The following PDILT variants were observed in gnomAD, a reference collection of about 807,000 sequenced individuals.
The protein encoded by PDILT is protein disulfide isomerase like, testis expressed, also known as protein disulfide-isomerase-like protein of the testis.
In PDILT, 43 loss-of-function variants were observed where a neutral mutation model predicts 53.7. The observed-to-expected ratio is 0.80, with a 90% CI of 0.63 to 1.03. The LOEUF is 1.03. Among genes scored for constraint, PDILT ranks in the 50% least tolerant of loss-of-function variants. The probability of loss-of-function intolerance (pLI) is 0.00; values close to 1 mark genes in which losing one functional copy is unlikely to be tolerated. For synonymous variants in PDILT, 282 were observed against 274.2 expected (o/e 1.03, Z -0.28); for missense variants, 727 against 712.3 (o/e 1.02, Z -0.24).
rs578031849 is a variant in PDILT at position 20,384,875 on chromosome 16, T to G, written c.203-24A>C. On this transcript the variant is annotated intron_variant, in intron 2 of 11. Transcript: ENST00000302451. ...GTCTGAAAGAGTATGAAGACAAAAT[T>G]TGAGAGGCCTTTCCTCGCTCCCCAT... 4.4e-6 allele frequency: 7 copies of G among 1,606,816 alleles called. No homozygotes were observed. The African/African-American group carries it at 6.7e-5, about 15-fold the overall frequency.
At chr16:20,359,896 C>T (rs529368368) in intron 11 of PDILT, among the ~76,000 whole-genome samples, 4 of 152,260 alleles carry the variant, frequency 2.6e-5, no homozygotes, top group African/African-American at 9.6e-5. Flanking sequence ...AGATCTCTGT[C>T]CAGGACATTT....
chr16:20,403,435 A>G lies in PDILT; in HGVS notation c.-8+1061T>C, dbSNP rs534393924. 3.8e-3 allele frequency among the ~76,000 whole-genome samples: 584 copies of G among 152,070 alleles called. 6 individuals are homozygous for G. Among genetic ancestry groups the G allele is most frequent in the African/African-American group, 0.013 (549 of 41,494 alleles). On this transcript the variant is annotated intron_variant, in intron 1 of 11. Transcript: ENST00000302451. Reference sequence around the variant, plus strand: ...CTCCCTAGCAGCTGGGACTACAGGCACCCGCCACCATGCCCGGCTAATTTT... The same window carrying G: ...CTCCCTAGCAGCTGGGACTACAGGCGCCCGCCACCATGCCCGGCTAATTTT...
chr16:20,361,205 T>TTG (rs5816105), intron 10 of PDILT, among the ~76,000 whole-genome samples: 8 of 134,796 alleles, frequency 5.9e-5, no homozygotes, highest in Admixed American at 4.5e-4. Context: ...TTTTTTTTTT[T>TTG]ATATGGAATC....
In PDILT at chr16:20,368,640, A is replaced by G. The variant is rs145813832; in HGVS notation, c.1116+852T>C. 8.0e-3 allele frequency among the ~76,000 whole-genome samples: 1,219 copies of G among 152,136 alleles called. 14 individuals are homozygous for G. Among genetic ancestry groups the G allele is most frequent in the African/African-American group, 0.027 (1,124 of 41,476 alleles). On this transcript the variant is annotated intron_variant, in intron 8 of 11. Transcript: ENST00000302451. ...TGGACAGGGTCTTCCTCTGTGGCCC[A>G]GGCTGGAGTGCAGTGGTGTGATCGT...
rs202032641 is a variant in PDILT at position 20,360,590 on chromosome 16, G to C, written c.1484C>G (p.Thr495Ser). Residue 495 changes from threonine to serine, a missense_variant, in exon 11 of 12, where the codon ACT (threonine) becomes AGT (serine). Coordinates refer to ENST00000302451, the MANE Select transcript of PDILT (RefSeq NM_174924.2). Reference protein sequence around the residue: ...FSDFLESHIKTKIEDEDELLS... With the variant: ...FSDFLESHIKSKIEDEDELLS... The stretch of plus-strand genomic sequence containing the variant: ...TACCTCATCCTCATCCTCAATCTTA[G>C]TTTTGATGTGGCTTTCCAGGAAGTC... The C allele has an allele frequency of 6.8e-6, 11 of 1,613,988 alleles. No homozygotes were observed. Among genetic ancestry groups the C allele is most frequent in the Non-Finnish European group, 9.3e-6 (11 of 1,179,846 alleles).
At chr16:20,379,534 C>T (rs1293361557) in intron 3 of PDILT, among the ~76,000 whole-genome samples, 1 of 152,150 alleles carries the variant, frequency 6.6e-6, no homozygotes, top group Non-Finnish European at 1.5e-5. Context: ...AGGCCAGTCT[C>T]GAACTCCTGG....
chr16:20,399,399 G>A, intron 1 of PDILT, 92 bp from the exon 2 acceptor site: 1 of 1,385,580 alleles, frequency 7.2e-7, no homozygotes, highest in Non-Finnish European at 1.0e-6. Flanking sequence ...GCTGGTCCAT[G>A]TAGGGTGAAT....
chr16:20,362,284 T>G (rs538019267), intron 10 of PDILT, 120 bp downstream of exon 10: 3 of 1,028,458 alleles, frequency 2.9e-6, no homozygotes, highest in East Asian at 2.5e-5. Context: ...GGATGGATAG[T>G]GGCTACAGCT....
chr16:20,398,972 A>T (rs1966695077), intron 2 of PDILT, 127 bp downstream of exon 2: 5 of 1,017,388 alleles, frequency 4.9e-6, no homozygotes, highest in Non-Finnish European at 7.3e-6. Context: ...TATATATATT[A>T]AATGTCTGTT....
In PDILT at chr16:20,359,529, T is replaced by C. The variant is rs1237849706; in HGVS notation, c.1545A>G (p.Glu515=). ...GCACCTCCTTTTCCTCAGCTAGCAC[T>C]TCCTCTTCTATCACTTCATTTTGCT... is the stretch of plus-strand genomic sequence containing the variant. ...SVEQNEVIEE[E]VLAEEKEVPM... is the part of the protein sequence containing the mutation. The change falls in exon 12 of 12, where the codon GAA becomes GAG. Residue 515 remains glutamate (E), a synonymous_variant. Coordinates refer to ENST00000302451, the MANE Select transcript of PDILT (RefSeq NM_174924.2). The C allele has an allele frequency of 6.2e-7, 1 of 1,613,806 alleles. No homozygotes were observed. The highest frequency in any genetic ancestry group is 8.5e-7 in the Non-Finnish European group (1 of 1,179,818).
At chr16:20,374,678 T>C in intron 5 of PDILT, 144 bp downstream of exon 5, 1 of 894,856 alleles carries the variant, frequency 1.1e-6, no homozygotes, top group Non-Finnish European at 1.7e-6. Context: ...GGAGCAACAC[T>C]GGGAGACTGT....
At chr16:20,363,435 T>C (rs993549978) in intron 9 of PDILT, among the ~76,000 whole-genome samples, 1 of 151,660 alleles carries the variant, frequency 6.6e-6, no homozygotes, top group African/African-American at 2.4e-5. Flanking sequence ...ATGACTTTAA[T>C]GTTCTTCCAA....
intron 3 of PDILT, 83 bp downstream of exon 3, chr16:20,384,562 G>A: frequency 1.3e-6 from 2 of 1,538,118 alleles, no homozygotes; most frequent in Non-Finnish European, 1.8e-6. Flanking sequence ...GCTGCATGGA[G>A]CAGAGCCTCC....
intron 10 of PDILT, 69 bp downstream of exon 10, chr16:20,362,335 G>T: frequency 6.5e-7 from 1 of 1,530,872 alleles, no homozygotes; most frequent in East Asian, 2.3e-5. Flanking sequence ...GCTGGTGGTA[G>T]GGAGAAACTG....
chr16:20,367,709 C>T (rs559135396), intron 8 of PDILT, among the ~76,000 whole-genome samples: 1 of 152,210 alleles, frequency 6.6e-6, no homozygotes, highest in Non-Finnish European at 1.5e-5. Context: ...GTACAGTACT[C>T]AGCTGAGAGT....
chr16:20,369,747 G>T, intron 7 of PDILT, 58 bp from the exon 8 acceptor site: 1 of 1,557,594 alleles, frequency 6.4e-7, no homozygotes, highest in East Asian at 2.2e-5. Flanking sequence ...GAGAAAAACT[G>T]CTGAAAGGCT....
At chr16:20,392,470 C>A (rs1966616762) in intron 2 of PDILT, among the ~76,000 whole-genome samples, 1 of 152,110 alleles carries the variant, frequency 6.6e-6, no homozygotes, top group African/African-American at 2.4e-5. Flanking sequence ...CTGGGGTGGT[C>A]CCTGGGGGCA....
Position 20,369,763 on chromosome 16 carries a change from C to G in PDILT, c.919-74G>C, listed in dbSNP as rs895049961. ...AGAAAAACTGCTGAAAGGCTGTGGA[C>G]TAAGGGGATGCACATGGTGGGGTCT... On this transcript the variant is annotated intron_variant, in intron 7 of 11. Transcript: ENST00000302451. 2.1e-6 allele frequency: 3 copies of G among 1,459,534 alleles called. No individual in the cohort carries two copies. The African/African-American group carries it at 4.2e-5, about 20-fold the overall frequency. 90.4% of individuals were successfully genotyped at this position (1,459,534 alleles called of 1,614,324 possible). A position where few individuals can be genotyped will look rare whatever the true frequency, so the allele number is the denominator to read the frequency against.
At chr16:20,399,574 C>A (rs914017100) in intron 1 of PDILT, among the ~76,000 whole-genome samples, 6 of 152,132 alleles carry the variant, frequency 3.9e-5, no homozygotes, top group African/African-American at 1.4e-4. Flanking sequence ...ACGCAGACCA[C>A]TCAAGCCCAC....
Sources: gnomAD v4.1 joint callset for allele counts (sites outside exome capture counted in the v4.1 genomes callset) on GRCh38, gnomAD v4.1.1 for gene constraint, MANE v1.5 for transcripts, NCBI Gene and HGNC (gene_info 2026-07-23, HGNC 2026-07-21) for gene names.